KCNN2: variants seen among roughly 807,000 people sequenced by gnomAD.
KCNN2 encodes the protein potassium calcium-activated channel subfamily N member 2.
In KCNN2, 24 loss-of-function variants were observed where a neutral mutation model predicts 55.5. The observed-to-expected ratio is 0.43, with a 90% CI of 0.31 to 0.61. The LOEUF is 0.61. Ranked by LOEUF, KCNN2 falls within the 20% of genes least tolerant of loss-of-function variation. The pLI, the probability that KCNN2 is intolerant of heterozygous loss-of-function variation, is 0.08. For missense variants in KCNN2, 754 were observed against 853.6 expected (o/e 0.88, Z 1.45); for synonymous variants, 431 against 336.1 (o/e 1.28, Z -3.09).
chr5:114,235,677 T>G (rs75857802), intron 2 of KCNN2, among the ~76,000 whole-genome samples: 2,893 of 152,320 alleles, frequency 0.019, 82 homozygotes, highest in African/African-American at 0.065. Flanking sequence ...TGTTCGTTTT[T>G]TAAAGGGCTT....
rs1319698179 is a variant in KCNN2, at chr5:114,487,178, G to GT, written c.2018+2dup. On this transcript the variant is annotated splice_donor_variant, in intron 6 of 7. Coordinates refer to ENST00000673685, the MANE Select transcript of KCNN2 (RefSeq NM_021614.4). LOFTEE classifies it high-confidence loss of function. ...GAAAATTCCTGCAAGCTATTCATCA[G>GT]TAAGTATCATTTTTCATTTTTATCC... 1 of 1,612,086 alleles carries GT rather than the reference G, an allele frequency of 6.2e-7. No individual in the cohort carries two copies.
chr5:114,114,346 G>A (rs1751670794), intron 1 of KCNN2, among the ~76,000 whole-genome samples: 1 of 151,892 alleles, frequency 6.6e-6, no homozygotes, highest in South Asian at 2.1e-4. Flanking sequence ...CTCTTGCTTA[G>A]CCTCCTGATT....
chr5:114,378,984 G>A (rs1758021241), intron 2 of KCNN2, among the ~76,000 whole-genome samples: 1 of 152,070 alleles, frequency 6.6e-6, no homozygotes, highest in Admixed American at 6.6e-5. Context: ...TTTGCTTATT[G>A]CTGTTTCTAG....
intron 1 of KCNN2, among the ~76,000 whole-genome samples, chr5:114,116,896 T>C (rs1346501572): frequency 6.6e-6 from 1 of 152,158 alleles, no homozygotes; most frequent in African/African-American, 2.4e-5. Flanking sequence ...TACCCATTTC[T>C]GTTCATCATA....
At chr5:114,425,406 A>G (rs1202654015) in intron 3 of KCNN2, among the ~76,000 whole-genome samples, 2 of 152,134 alleles carry the variant, frequency 1.3e-5, no homozygotes, top group Non-Finnish European at 2.9e-5. Context: ...CTACTTTACA[A>G]AATATTTACA....
Position 114,496,215 on chromosome 5 carries a change from T to C in KCNN2, c.*33T>C. On this transcript the variant is annotated 3_prime_UTR_variant, in exon 8 of 8. Coordinates refer to ENST00000673685, the MANE Select transcript of KCNN2 (RefSeq NM_021614.4). ...TAAGTTAACCACAAAATAAGACTTT[T>C]TGCCATCATATGGTCAATATTTTAG... 6.2e-7 allele frequency: 1 copy of C among 1,604,312 alleles called. No homozygotes were observed. Among genetic ancestry groups the C allele is most frequent in the Non-Finnish European group, 8.5e-7 (1 of 1,174,082 alleles).
At chr5:114,495,512 A>G (rs1748069586) in intron 7 of KCNN2, among the ~76,000 whole-genome samples, 1 of 152,198 alleles carries the variant, frequency 6.6e-6, no homozygotes, top group African/African-American at 2.4e-5. Context: ...TTTTTTAAAA[A>G]TTACCCTTGC....
At chr5:114,365,326 A>G (rs983571896) in intron 2 of KCNN2, among the ~76,000 whole-genome samples, 1 of 152,234 alleles carries the variant, frequency 6.6e-6, no homozygotes, top group Admixed American at 6.5e-5. Context: ...GAATTTTTTA[A>G]AGTTTTAACA....
intron 2 of KCNN2, among the ~76,000 whole-genome samples, chr5:114,262,083 G>C (rs1328006122): frequency 6.6e-6 from 1 of 152,148 alleles, no homozygotes; most frequent in Non-Finnish European, 1.5e-5. Flanking sequence ...CAAACCTAAA[G>C]AGACTCATGT....
chr5:114,479,380 C>T (rs1459789), intron 5 of KCNN2, among the ~76,000 whole-genome samples: 112,403 of 151,992 alleles, frequency 0.74, 43,675 homozygotes, highest in East Asian at 0.92. Flanking sequence ...AATATATATG[C>T]ACCCAATACA....
intron 3 of KCNN2, among the ~76,000 whole-genome samples, chr5:114,459,821 C>G (rs1761111284): frequency 1.3e-5 from 2 of 152,180 alleles, no homozygotes; most frequent in African/African-American, 4.8e-5. Flanking sequence ...ATGACAATCT[C>G]TGATGCAATG....
intron 1 of KCNN2, among the ~76,000 whole-genome samples, chr5:114,172,556 T>C (rs1753059868): frequency 6.7e-6 from 1 of 150,316 alleles, no homozygotes; most frequent in Admixed American, 6.7e-5. Context: ...CATGGAAGCT[T>C]TCAAGTGGGA....
intron 2 of KCNN2, among the ~76,000 whole-genome samples, chr5:114,232,762 A>G (rs1754387373): frequency 6.6e-6 from 1 of 150,668 alleles, no homozygotes; most frequent in Non-Finnish European, 1.5e-5. Context: ...ATTGATAATG[A>G]TGGCATGGAA....
At chr5:114,390,061 G>T (rs1323519819) in intron 2 of KCNN2, among the ~76,000 whole-genome samples, 1 of 152,110 alleles carries the variant, frequency 6.6e-6, no homozygotes, top group East Asian at 1.9e-4. Flanking sequence ...TAATAACTAT[G>T]ACCTAGCTTT....
At chr5:114,275,837 G>A (rs1382903335) in intron 2 of KCNN2, among the ~76,000 whole-genome samples, 4 of 151,856 alleles carry the variant, frequency 2.6e-5, no homozygotes, top group African/African-American at 9.7e-5. Flanking sequence ...TTTCAGTTCT[G>A]CTCTGATCTC....
intron 2 of KCNN2, among the ~76,000 whole-genome samples, chr5:114,241,593 A>T (rs902051725): frequency 2.0e-5 from 3 of 150,986 alleles, no homozygotes; most frequent in African/African-American, 7.3e-5. Flanking sequence ...CATGTGGAAA[A>T]GAAAAAGCTA....
intron 6 of KCNN2, among the ~76,000 whole-genome samples, chr5:114,492,330 C>A (rs1580931892): frequency 6.6e-6 from 1 of 152,052 alleles, no homozygotes; most frequent in Non-Finnish European, 1.5e-5. Context: ...ATAAAAAATT[C>A]TCTCTCTAGC....
chr5:114,074,520 A>G (rs1750646401), intron 1 of KCNN2, among the ~76,000 whole-genome samples: 1 of 152,166 alleles, frequency 6.6e-6, no homozygotes, highest in African/African-American at 2.4e-5. Flanking sequence ...CCAATAGTGG[A>G]CCTTGCTCAT....
intron 3 of KCNN2, among the ~76,000 whole-genome samples, chr5:114,446,221 G>T (rs1240600560): frequency 2.0e-5 from 3 of 152,180 alleles, no homozygotes; most frequent in African/African-American, 7.2e-5. Context: ...AATGACAGAA[G>T]CGCATAGAAT....
Sources: gnomAD v4.1 joint callset for allele counts (sites outside exome capture counted in the v4.1 genomes callset) on GRCh38, gnomAD v4.1.1 for gene constraint, MANE v1.5 for transcripts, NCBI Gene and HGNC (gene_info 2026-07-23, HGNC 2026-07-21) for gene names.